Variants in CPT1A observed in about 807,000 individuals in gnomAD.
The protein encoded by CPT1A is carnitine O-palmitoyltransferase 1, liver isoform.
A neutral mutation model predicts 100.8 loss-of-function variants in CPT1A; 64 were observed. The observed-to-expected ratio is 0.63, with a 90% confidence interval of 0.52 to 0.78. The LOEUF (loss-of-function observed/expected upper bound fraction) is 0.78. Among genes scored for constraint, CPT1A ranks in the 30% least tolerant of loss-of-function variants. The probability of loss-of-function intolerance (pLI) is 0.00; values close to 1 mark genes in which losing one functional copy is unlikely to be tolerated. For synonymous variants in CPT1A, 363 were observed against 396.0 expected (o/e 0.92, Z 0.99); for missense variants, 802 against 1,034.1 (o/e 0.78, Z 3.08).
At chr11:68,758,143 C>T (rs962937885) in intron 18 of CPT1A, among the ~76,000 whole-genome samples, 2 of 152,150 alleles carry the variant, frequency 1.3e-5, no homozygotes, top group Non-Finnish European at 2.9e-5. Context: ...TGGCACTCCC[C>T]TATAGTCCCA....
chr11:68,773,532 C>G, intron 13 of CPT1A, 103 bp from the exon 14 acceptor site: 1 of 1,574,502 alleles, frequency 6.4e-7, no homozygotes, highest in Non-Finnish European at 8.6e-7. Flanking sequence ...GCTATAAACT[C>G]GGTACTGGGA....
At chr11:68,761,721 C>T in intron 15 of CPT1A, 34 bp from the exon 16 acceptor site, 3 of 1,613,544 alleles carry the variant, frequency 1.9e-6, no homozygotes, top group African/African-American at 1.3e-5. Context: ...ACATATGTTG[C>T]ATGTCTCAAG....
At chr11:68,820,831 T>TTACTACACAGTAG (rs1298456155) in intron 1 of CPT1A, among the ~76,000 whole-genome samples, 2 of 151,946 alleles carry the variant, frequency 1.3e-5, no homozygotes. Context: ...CTACAGGGAG[T>TTACTACACAGTAG]TACTACACAG....
chr11:68,838,464 T>A (rs1185340698), intron 1 of CPT1A, among the ~76,000 whole-genome samples: 2 of 149,558 alleles, frequency 1.3e-5, no homozygotes, highest in East Asian at 3.9e-4. Flanking sequence ...GCAATCAATT[T>A]GTTTAAAAAA....
In CPT1A at chr11:68,802,360, G is replaced by A. The variant is rs116610721; in HGVS notation, c.555+1640C>T. Among the ~76,000 whole-genome samples, 1,282 of 151,432 alleles carry A rather than the reference G, an allele frequency of 8.5e-3. 9 individuals carry two copies. Among genetic ancestry groups the A allele is most frequent in the African/African-American group, 0.03 (1,227 of 41,230 alleles). On this transcript the variant is annotated intron_variant, in intron 5 of 18. Coordinates refer to ENST00000265641, the MANE Select transcript of CPT1A (RefSeq NM_001876.4). ...GTTCAATTAAAGAAAAAAAAAGACC[G>A]AAGCAGGTAGATCACTTGAGCTCAG... is the stretch of plus-strand genomic sequence containing the variant.
intron 10 of CPT1A, among the ~76,000 whole-genome samples, chr11:68,782,641 C>T (rs1359861116): frequency 6.6e-6 from 1 of 152,184 alleles, no homozygotes; most frequent in African/African-American, 2.4e-5. Flanking sequence ...TGGGCTTCCT[C>T]GAGTGCTCCC....
At position 68,755,166 on chromosome 11, in the gene CPT1A, AC is replaced by A; in HGVS notation, c.*2477del. ...CTGATGAGCAACAATTACATTTGAAACATTTAAAACCTGAGAGAGAAACCCA... is the reference window on the plus strand; with the variant it reads ...CTGATGAGCAACAATTACATTTGAAAATTTAAAACCTGAGAGAGAAACCCA... On this transcript the variant is annotated 3_prime_UTR_variant, in exon 19 of 19. Coordinates refer to ENST00000265641, the MANE Select transcript of CPT1A (RefSeq NM_001876.4). 1 of 333,572 alleles carries A rather than the reference AC, an allele frequency of 3.0e-6. No individual in the cohort carries two copies. Among genetic ancestry groups the A allele is most frequent in the South Asian group, 4.4e-5 (1 of 22,800 alleles). 20.7% of individuals were successfully genotyped at this position (333,572 alleles called of 1,614,324 possible).
At chr11:68,774,957 G>C (rs1385085076) in intron 13 of CPT1A, among the ~76,000 whole-genome samples, 1 of 152,056 alleles carries the variant, frequency 6.6e-6, no homozygotes, top group Non-Finnish European at 1.5e-5. Flanking sequence ...ATTAAACTTT[G>C]AGAAGTATAA....
At chr11:68,803,159 A>G (rs1390629390) in intron 5 of CPT1A, among the ~76,000 whole-genome samples, 3 of 152,228 alleles carry the variant, frequency 2.0e-5, no homozygotes, top group Non-Finnish European at 4.4e-5. Context: ...CTAGCCATGC[A>G]ATGGAATACT....
chr11:68,841,765 C>CG lies in CPT1A; in HGVS notation c.-14+9dup. 2.0e-6 allele frequency: 2 copies of CG among 982,658 alleles called. No homozygotes were observed. Among genetic ancestry groups the CG allele is most frequent in the Non-Finnish European group, 2.4e-6 (2 of 827,482 alleles). The allele number at this position is 982,658 out of a possible 1,614,324, so 60.9% of individuals were successfully genotyped here. ...CGCCACCCTCCCCACCGCGGGCGAC[C>CG]GGGCCTCACCGAGTCAGCTACGGAG... On this transcript the variant is annotated intron_variant, in intron 1 of 18. Transcript: ENST00000265641. This position sits in a 1 kb window ranked among gnomAD's most constrained non-coding sequence, Gnocchi z 6.3.
chr11:68,807,056 G>C (rs537629671), intron 4 of CPT1A, among the ~76,000 whole-genome samples: 1 of 152,262 alleles, frequency 6.6e-6, no homozygotes, highest in East Asian at 1.9e-4. Context: ...CTTGGGCTGA[G>C]GGCCAAAGCA....
chr11:68,818,226 G>A (rs1017444176), intron 1 of CPT1A, among the ~76,000 whole-genome samples: 4 of 152,160 alleles, frequency 2.6e-5, no homozygotes, highest in Admixed American at 6.5e-5. Flanking sequence ...ACCTTGAGCT[G>A]CACTTGCTGG....
chr11:68,761,834 C>A (rs1349773930), intron 15 of CPT1A, 147 bp from the exon 16 acceptor site: 1 of 919,282 alleles, frequency 1.1e-6, no homozygotes, highest in Non-Finnish European at 1.7e-6. Context: ...TGGTTTCGAA[C>A]TCCTGAGCTC....
intron 1 of CPT1A, among the ~76,000 whole-genome samples, chr11:68,817,837 G>A (rs1469974726): frequency 2.0e-5 from 3 of 151,930 alleles, no homozygotes; most frequent in African/African-American, 7.2e-5. Flanking sequence ...CAGGTGTCTG[G>A]GGTCAAAGGC....
At chr11:68,842,367 C>A (rs1468906468), upstream of CPT1A, among the ~76,000 whole-genome samples, 1 of 151,992 alleles carries the variant, frequency 6.6e-6, no homozygotes, top group African/African-American at 2.4e-5. Flanking sequence ...ATCCCAGCTA[C>A]TCGGGAGGCG....
chr11:68,806,007 T>C (rs191097383), intron 4 of CPT1A, among the ~76,000 whole-genome samples: 1 of 150,706 alleles, frequency 6.6e-6, no homozygotes, highest in East Asian at 2.0e-4. Flanking sequence ...TCAGAAAAAC[T>C]AAGCCCATAA....
chr11:68,759,541 A>T, intron 18 of CPT1A, 28 bp downstream of exon 18: 1 of 1,462,206 alleles, frequency 6.8e-7, no homozygotes, highest in Non-Finnish European at 9.6e-7. Context: ...CCCCATCTTC[A>T]GAAAAAGGAA....
At chr11:68,800,403 G>A (rs1296632092) in intron 5 of CPT1A, among the ~76,000 whole-genome samples, 1 of 151,802 alleles carries the variant, frequency 6.6e-6, no homozygotes, top group East Asian at 1.9e-4. Flanking sequence ...CACTTTGAGA[G>A]GCTGAGGTAT....
chr11:68,774,507 A>G (rs954788670), intron 13 of CPT1A, among the ~76,000 whole-genome samples: 1 of 151,644 alleles, frequency 6.6e-6, no homozygotes, highest in Non-Finnish European at 1.5e-5. Flanking sequence ...CAGTGGCACC[A>G]TCGCTGCTCA....
Sources: gnomAD v4.1 joint callset for allele counts (sites outside exome capture counted in the v4.1 genomes callset) on GRCh38, gnomAD v4.1.1 for gene constraint, Gnocchi (gnomAD v3.1) non-coding constraint, MANE v1.5 for transcripts, NCBI Gene and HGNC (gene_info 2026-07-23, HGNC 2026-07-21) for gene names.